SPTA1: variants seen among roughly 807,000 people sequenced by gnomAD.
SPTA1 encodes the protein spectrin alpha chain, erythrocytic 1.
SPTA1 carries 177 observed loss-of-function variants against 324.7 expected under a neutral mutation model. The observed-to-expected ratio is 0.55, with a 90% CI of 0.48 to 0.62. SPTA1 has a LOEUF of 0.62. Among genes scored for constraint, SPTA1 ranks in the 20% least tolerant of loss-of-function variants. SPTA1 has a pLI of 0.00. For missense variants in SPTA1, 3,162 were observed against 2,883.6 expected, an observed-to-expected ratio of 1.10 and a Z score of -2.21; for synonymous variants, 1,195 against 1,041.3, an observed-to-expected ratio of 1.15 and a Z score of -2.84.
At chr1:158,660,859 T>C (rs1487905196) in intron 18 of SPTA1, among the ~76,000 whole-genome samples, 3 of 152,106 alleles carry the variant, frequency 2.0e-5, no homozygotes, top group East Asian at 1.9e-4. Flanking sequence ...CTATATGAAG[T>C]GAGAAGCTAA....
At position 158,645,378 on chromosome 1, in the gene SPTA1, C is replaced by T. The variant is rs750860161; in HGVS notation, c.4004G>A (p.Arg1335His). 4.7e-5 allele frequency: 76 copies of T among 1,613,798 alleles called. No homozygotes were observed. The highest frequency in any genetic ancestry group is 5.3e-5 in the African/African-American group (4 of 74,894). ...EILLERHQEH[R>H]ADMEAEAPTF... Reference sequence around the variant, plus strand: ...GGGAGCCTCTGCCTCCATGTCAGCACGGTGCTCCTGTGGGAAAAAGGGGGA... The same window carrying T: ...GGGAGCCTCTGCCTCCATGTCAGCATGGTGCTCCTGTGGGAAAAAGGGGGA... Residue 1335 changes from arginine (R) to histidine (H), a missense_variant, in exon 29 of 52, where the codon CGT becomes CAT. Arg to His is a conservative substitution (Grantham distance 29, BLOSUM62 0). Coordinates refer to ENST00000643759, the MANE Select transcript of SPTA1 (RefSeq NM_003126.4).
intron 35 of SPTA1, 70 bp from the exon 36 acceptor site, chr1:158,638,311 A>T: frequency 2.0e-6 from 3 of 1,493,326 alleles, no homozygotes; most frequent in African/African-American, 2.8e-5. Flanking sequence ...CTTTAACAAC[A>T]GCTGGTCTGG....
intron 8 of SPTA1, among the ~76,000 whole-genome samples, chr1:158,675,401 C>T (rs1250939376): frequency 1.3e-5 from 2 of 151,950 alleles, no homozygotes; most frequent in Non-Finnish European, 2.9e-5. Context: ...GCTTTTTGAC[C>T]CATTTCATAG....
chr1:158,677,664 T>G (rs1654480178), intron 7 of SPTA1, 26 bp downstream of exon 7: 1 of 1,612,452 alleles, frequency 6.2e-7, no homozygotes, highest in Middle Eastern at 1.7e-4. Context: ...CTCAACGGGT[T>G]AGCCATTTCT....
Position 158,642,930 on chromosome 1 carries a change from C to T in SPTA1, c.4489G>A (p.Gly1497Arg). 6.2e-7 allele frequency: 1 copy of T among 1,613,720 alleles called. No homozygotes were observed. The highest frequency in any genetic ancestry group is 1.7e-5 in the Admixed American group (1 of 59,944). Residue 1497 changes from glycine to arginine, a missense_variant, in exon 32 of 52, where the codon GGA becomes AGA. Coordinates refer to ENST00000643759, the MANE Select transcript of SPTA1 (RefSeq NM_003126.4). ...AATTGTTTTAGGTTGGCATAGTCTC[C>T]AAGCTTTGTCCGCTCATCAATCAGT... Reference protein sequence around the residue: ...AQLIDERTKLGDYANLKQFYR... With the variant: ...AQLIDERTKLRDYANLKQFYR...
intron 42 of SPTA1, among the ~76,000 whole-genome samples, chr1:158,623,754 A>G (rs1049527156): frequency 2.6e-5 from 4 of 152,326 alleles, no homozygotes; most frequent in Middle Eastern, 3.4e-3. Context: ...AGTCTTGGGT[A>G]TGTCTTTATT....
chr1:158,648,714 G>A (rs1652185882), intron 25 of SPTA1, 61 bp from the exon 26 acceptor site: 5 of 1,593,384 alleles, frequency 3.1e-6, no homozygotes, highest in East Asian at 2.2e-5. Flanking sequence ...CAGGCTAGTG[G>A]GGGTCACAAG....
intron 12 of SPTA1, 129 bp from the exon 13 acceptor site, chr1:158,669,915 T>A: frequency 1.2e-6 from 1 of 839,192 alleles, no homozygotes; most frequent in African/African-American, 1.7e-5. Flanking sequence ...CCAGCAGATG[T>A]AAGTCCTTAT....
In SPTA1 at chr1:158,643,412, G is replaced by A. The variant is rs1651762214; in HGVS notation, c.4352C>T (p.Thr1451Ile). ...GCTCTCAGCAAAATGTTCTAGGTCA[G>A]TGATCTTCCCTTCCTAAATAAAGGA... is the stretch of plus-strand genomic sequence containing the variant. ...KAITAQEGKI[T>I]DLEHFAESLI... The change falls in exon 31 of 52, where the codon ACT becomes ATT. Residue 1451 changes from threonine (T) to isoleucine (I), a missense_variant. Coordinates refer to ENST00000643759, the MANE Select transcript of SPTA1 (RefSeq NM_003126.4). 2 of 1,613,588 alleles carry A rather than the reference G, an allele frequency of 1.2e-6. No homozygotes were observed. The highest frequency in any genetic ancestry group is 4.5e-5 in the East Asian group (2 of 44,874).
intron 29 of SPTA1, 97 bp from the exon 30 acceptor site, chr1:158,644,493 C>T (rs1651850392): frequency 1.4e-6 from 2 of 1,430,338 alleles, no homozygotes; most frequent in Admixed American, 1.7e-5. Flanking sequence ...AAGGGTTTTG[C>T]AAGGAGTACT....
rs748522821 is a variant in SPTA1 at position 158,653,343 on chromosome 1, G to A, written c.3119C>T (p.Pro1040Leu). 1.5e-5 allele frequency: 24 copies of A among 1,613,954 alleles called. No homozygotes were observed. The East Asian group carries it at 2.7e-4, about 18-fold the overall frequency. Residue 1040 changes from proline (P) to leucine (L), a missense_variant, in exon 22 of 52, where the codon CCG (proline) becomes CTG (leucine). Pro to Leu is a moderately conservative substitution (Grantham distance 98, BLOSUM62 -3). Coordinates refer to ENST00000643759, the MANE Select transcript of SPTA1 (RefSeq NM_003126.4). ...TTCTCGTCGCCGCTGTGGGAGCATC[G>A]GGAACTCATCGTGGGCCAGTCTTCT... is the stretch of plus-strand genomic sequence containing the variant. ...YVRRLAHDEFPMLPQRRREEP... is the reference protein window; with the variant it reads ...YVRRLAHDEFLMLPQRRREEP...
Position 158,672,317 on chromosome 1 carries a change from T to G in SPTA1, c.1351-121A>C, listed in dbSNP as rs369845204. The stretch of plus-strand genomic sequence containing the variant: ...ACAAAAATAAACAGCAAATGGGCTT[T>G]TAAGATTCCAACTTTTAAGCAAATG... On this transcript the variant is annotated intron_variant, in intron 10 of 51. Transcript: ENST00000643759. 1.3e-3 allele frequency: 1,378 copies of G among 1,051,872 alleles called. 5 individuals are homozygous for G. The highest frequency in any genetic ancestry group is 4.5e-3 in the South Asian group (298 of 65,968). 65.2% of individuals were successfully genotyped at this position (1,051,872 alleles called of 1,614,324 possible).
At chr1:158,673,947 A>T (rs930669859) in intron 10 of SPTA1, among the ~76,000 whole-genome samples, 2 of 152,230 alleles carry the variant, frequency 1.3e-5, no homozygotes, top group Admixed American at 1.3e-4. Flanking sequence ...TGTACTGAGC[A>T]TGTACAGACT....
At position 158,683,410 on chromosome 1, in the gene SPTA1, T is replaced by A. The variant is rs765100489; in HGVS notation, c.351A>T (p.Glu117Asp). 1 of 1,613,316 alleles carries A rather than the reference T, an allele frequency of 6.2e-7. No homozygotes were observed. Among genetic ancestry groups the A allele is most frequent in the Non-Finnish European group, 8.5e-7 (1 of 1,179,518 alleles). Residue 117 changes from glutamate (E) to aspartate (D), a missense_variant, in exon 3 of 52, where the codon GAA (glutamate) becomes GAT (aspartate). Physicochemically the swap from Glu to Asp is conservative, Grantham distance 45 (BLOSUM62 2). Coordinates refer to ENST00000643759, the MANE Select transcript of SPTA1 (RefSeq NM_003126.4). ...LMSELEKTREERFTMGHSAHE... is the reference protein window; with the variant it reads ...LMSELEKTREDRFTMGHSAHE... ...GGGCAGAATGACCCATGGTAAATCG[T>A]TCTTCCCTTGTTTTTTCCAGTTCAG...
chr1:158,674,681 G>A lies in SPTA1; in HGVS notation c.1113-6C>T. ...CAGATGAAAATCGATGGTACCTGTG[G>A]GAAAAGTGAGGTAAAAGACAGGAAG... On this transcript the variant is annotated splice_region_variant and splice_polypyrimidine_tract_variant and intron_variant, in intron 8 of 51. Transcript: ENST00000643759. The A allele has an allele frequency of 6.2e-7, 1 of 1,613,420 alleles. No individual in the cohort carries two copies. Among genetic ancestry groups the A allele is most frequent in the Non-Finnish European group, 8.5e-7 (1 of 1,179,928 alleles).
At chr1:158,667,624 A>AC (rs1403996445) in intron 15 of SPTA1, among the ~76,000 whole-genome samples, 1 of 151,932 alleles carries the variant, frequency 6.6e-6, no homozygotes, top group Admixed American at 6.6e-5. Flanking sequence ...CTGCTAAAAA[A>AC]TTTTTTTTTA....
chr1:158,652,398 T>A, intron 23 of SPTA1, 69 bp downstream of exon 23: 15 of 1,532,628 alleles, frequency 9.8e-6, no homozygotes, highest in Non-Finnish European at 1.4e-5. Flanking sequence ...AATTAAAAGA[T>A]CATGTAGAAT....
Position 158,619,236 on chromosome 1 carries a change from C to A in SPTA1, c.6516G>T (p.Trp2172Cys). The A allele has an allele frequency of 6.2e-7, 1 of 1,614,052 alleles. No individual in the cohort carries two copies. ...FEQNASTFLQ[W>C]ILETRAYFLD... ...GCATAGCACACCTGGTTTCCAGGAT[C>A]CATTGAAGGAAGGTACTGGCATTCT... The change falls in exon 45 of 52, where the codon TGG (tryptophan) becomes TGT (cysteine). Residue 2172 changes from tryptophan (W) to cysteine (C), a missense_variant. By Grantham distance (215) the Trp-to-Cys change is radical (BLOSUM62 -2). Coordinates refer to ENST00000643759, the MANE Select transcript of SPTA1 (RefSeq NM_003126.4).
chr1:158,640,526 C>T (rs1250037335), intron 33 of SPTA1, among the ~76,000 whole-genome samples: 2 of 152,074 alleles, frequency 1.3e-5, no homozygotes, highest in Non-Finnish European at 2.9e-5. Flanking sequence ...ACACCAATAA[C>T]AGACAAACAG....
Sources: gnomAD v4.1 joint callset for allele counts (sites outside exome capture counted in the v4.1 genomes callset) on GRCh38, gnomAD v4.1.1 for gene constraint, MANE v1.5 for transcripts, NCBI Gene and HGNC (gene_info 2026-07-23, HGNC 2026-07-21) for gene names.